The following ICA1L variants were observed in gnomAD, a reference collection of about 807,000 sequenced individuals.
The protein encoded by ICA1L is islet cell autoantigen 1 like.
A neutral mutation model predicts 61.3 loss-of-function variants in ICA1L; 50 were observed. That is an observed-to-expected ratio of 0.82 (90% CI 0.65 to 1.03). The LOEUF is 1.03. Among genes scored for constraint, ICA1L ranks in the 50% least tolerant of loss-of-function variants. ICA1L has a pLI of 0.00. For missense variants in ICA1L, 508 were observed against 556.7 expected (o/e 0.91, Z 0.88); for synonymous variants, 161 against 191.3 (o/e 0.84, Z 1.31).
At chr2:202,809,521 G>A (rs1018628583) in intron 9 of ICA1L, among the ~76,000 whole-genome samples, 1 of 152,036 alleles carries the variant, frequency 6.6e-6, no homozygotes, top group Non-Finnish European at 1.5e-5. Flanking sequence ...GGTAGTGCAT[G>A]CCTGTAATTC....
chr2:202,862,786 G>A (rs1694957185), intron 1 of ICA1L, among the ~76,000 whole-genome samples: 1 of 151,484 alleles, frequency 6.6e-6, no homozygotes, highest in Admixed American at 6.6e-5. Context: ...GCAGTGAGTT[G>A]AGATTGTGCC....
intron 1 of ICA1L, among the ~76,000 whole-genome samples, chr2:202,842,573 C>G (rs1274537425): frequency 6.6e-6 from 1 of 152,198 alleles, no homozygotes; most frequent in Non-Finnish European, 1.5e-5. Flanking sequence ...TTGCTACTTT[C>G]AGGATGCTCT....
chr2:202,861,075 C>T (rs1461718908), intron 1 of ICA1L, among the ~76,000 whole-genome samples: 1 of 151,748 alleles, frequency 6.6e-6, no homozygotes, highest in Non-Finnish European at 1.5e-5. Flanking sequence ...ACTAAAAATA[C>T]AAAAATTAAC....
At chr2:202,779,714 T>G in intron 12 of ICA1L, 66 bp from the exon 13 acceptor site, 3 of 952,904 alleles carry the variant, frequency 3.1e-6, no homozygotes, top group Non-Finnish European at 3.2e-6. Flanking sequence ...TGTACCATAT[T>G]TATGATTTTG....
At chr2:202,839,948 TTTGA>T (rs1216411708) in intron 1 of ICA1L, among the ~76,000 whole-genome samples, 2 of 152,132 alleles carry the variant, frequency 1.3e-5, no homozygotes, top group East Asian at 3.8e-4. Flanking sequence ...ACAACTTAAC[TTTGA>T]TTGTATACAC....
intron 1 of ICA1L, among the ~76,000 whole-genome samples, chr2:202,860,847 A>T (rs1694890555): frequency 6.6e-6 from 1 of 152,260 alleles, no homozygotes; most frequent in Non-Finnish European, 1.5e-5. Flanking sequence ...CATTAACTAT[A>T]TATTAATGTC....
At chr2:202,811,191 A>G (rs1693366963) in intron 9 of ICA1L, among the ~76,000 whole-genome samples, 2 of 152,040 alleles carry the variant, frequency 1.3e-5, no homozygotes, top group Non-Finnish European at 2.9e-5. Flanking sequence ...CTGACATGTG[A>G]TGTTTCCCCC....
chr2:202,846,050 T>G (rs1676307934), intron 1 of ICA1L, among the ~76,000 whole-genome samples: 1 of 152,160 alleles, frequency 6.6e-6, no homozygotes, highest in Non-Finnish European at 1.5e-5. Context: ...AGGGGGGAAC[T>G]GGTAGGAAAT....
chr2:202,825,781 T>G lies in ICA1L; in HGVS notation c.163-14A>C. On this transcript the variant is annotated splice_polypyrimidine_tract_variant and intron_variant, in intron 2 of 12. Transcript: ENST00000358299. Reference sequence around the variant, plus strand: ...AGAGTGAAAAACCTTGAGATATAAATTTTATTAGGACAATTTAAAGAACTA... The same window carrying G: ...AGAGTGAAAAACCTTGAGATATAAAGTTTATTAGGACAATTTAAAGAACTA... The G allele has an allele frequency of 2.0e-6, 3 of 1,499,502 alleles. No homozygotes were observed. Among genetic ancestry groups the G allele is most frequent in the Non-Finnish European group, 2.7e-6 (3 of 1,104,934 alleles). 92.9% of individuals were successfully genotyped at this position (1,499,502 alleles called of 1,614,324 possible).
In ICA1L at chr2:202,773,925, G is replaced by A. The variant is rs1410236768; in HGVS notation, c.*5608C>T. ...AATAAGAACAGTCAACGTAGAAAGA[G>A]ACAGAAAGATTCTTCTCTTCCGCTT... On this transcript the variant is annotated 3_prime_UTR_variant, in exon 13 of 13. Coordinates refer to ENST00000358299, the MANE Select transcript of ICA1L (RefSeq NM_001288622.3). 5.0e-6 allele frequency: 6 copies of A among 1,209,270 alleles called. No homozygotes were observed. Among genetic ancestry groups the A allele is most frequent in the Non-Finnish European group, 7.3e-6 (6 of 826,718 alleles). 74.9% of individuals were successfully genotyped at this position (1,209,270 alleles called of 1,614,324 possible). A position where few individuals can be genotyped will look rare whatever the true frequency, so the allele number is the denominator to read the frequency against.
intron 9 of ICA1L, among the ~76,000 whole-genome samples, chr2:202,809,284 T>C (rs1693309245): frequency 6.6e-6 from 1 of 151,732 alleles, no homozygotes; most frequent in East Asian, 1.9e-4. Flanking sequence ...AACAGGAGTA[T>C]TGATCAAGCA....
At chr2:202,817,594 A>G in intron 5 of ICA1L, 51 bp from the exon 6 acceptor site, 2 of 1,045,954 alleles carry the variant, frequency 1.9e-6, no homozygotes, top group Non-Finnish European at 2.7e-6. Context: ...TAAATATAGT[A>G]TGTTATTACA....
intron 10 of ICA1L, among the ~76,000 whole-genome samples, chr2:202,792,462 T>TA (rs1329754608): frequency 6.6e-6 from 1 of 152,124 alleles, no homozygotes; most frequent in African/African-American, 2.4e-5. Flanking sequence ...GGTAAATAAG[T>TA]AAACATAAGA....
Position 202,779,347 on chromosome 2 carries a change from C to A in ICA1L, c.*186G>T. ...CCACATAGTACCAACAGCTGCAAATCCAAGATATGAAAGATGTGTACTTAT... is the reference window on the plus strand; with the variant it reads ...CCACATAGTACCAACAGCTGCAAATACAAGATATGAAAGATGTGTACTTAT... On this transcript the variant is annotated 3_prime_UTR_variant, in exon 13 of 13. Coordinates refer to ENST00000358299, the MANE Select transcript of ICA1L (RefSeq NM_001288622.3). 2.3e-6 allele frequency: 1 copy of A among 441,514 alleles called. No homozygotes were observed. Among genetic ancestry groups the A allele is most frequent in the Non-Finnish European group, 4.0e-6 (1 of 251,528 alleles). 27.3% of individuals were successfully genotyped at this position (441,514 alleles called of 1,614,324 possible).
rs1372890335 is a variant in ICA1L, at chr2:202,776,162, ACAGTTTGTTTCTAAT to A, written c.*3356_*3370del. The A allele has an allele frequency of 1.3e-5, 2 of 152,220 alleles. No homozygotes were observed. The highest frequency in any genetic ancestry group is 2.9e-5 in the Non-Finnish European group (2 of 68,042). 9.4% of individuals were successfully genotyped at this position (152,220 alleles called of 1,614,324 possible). ...AATACTGAAACCTGTTTGTTGAAAT[ACAGTTTGTTTCTAAT>A]CATATCAAGGTTCTACAATTAATGA... On this transcript the variant is annotated 3_prime_UTR_variant, in exon 13 of 13. Transcript: ENST00000358299.
At chr2:202,796,804 A>AGTTTCTAT in intron 10 of ICA1L, 86 bp downstream of exon 10, 1 of 753,714 alleles carries the variant, frequency 1.3e-6, no homozygotes. Flanking sequence ...AGACCCAGAC[A>AGTTTCTAT]GTTTCTAATG....
chr2:202,785,458 G>A (rs1031640267), intron 12 of ICA1L, among the ~76,000 whole-genome samples: 9 of 152,144 alleles, frequency 5.9e-5, no homozygotes, highest in East Asian at 3.9e-4. Flanking sequence ...TTGCTCTGTC[G>A]CCCAGGCTGG....
intron 1 of ICA1L, among the ~76,000 whole-genome samples, chr2:202,830,265 G>A (rs888420395): frequency 8.6e-5 from 13 of 151,964 alleles, no homozygotes; most frequent in South Asian, 2.1e-4. Context: ...AAAATTAGCC[G>A]GGCATGGTGG....
chr2:202,841,731 A>ACCACCTCTGGTGGAGAGGCC (rs1483071238), intron 1 of ICA1L: 1 of 501,462 alleles, frequency 2.0e-6, no homozygotes, highest in Non-Finnish European at 3.9e-6. Flanking sequence ...GGGCCAGAGG[A>ACCACCTCTGGTGGAGAGGCC]CCACCTCTGG....
Sources: gnomAD v4.1 joint callset for allele counts (sites outside exome capture counted in the v4.1 genomes callset) on GRCh38, gnomAD v4.1.1 for gene constraint, MANE v1.5 for transcripts, NCBI Gene and HGNC (gene_info 2026-07-23, HGNC 2026-07-21) for gene names.